The following LAMA2 variants were observed in gnomAD, a reference collection of about 807,000 sequenced individuals.
The protein encoded by LAMA2 is laminin subunit alpha-2.
In LAMA2, 269 loss-of-function variants were observed where a neutral mutation model predicts 364.8. That is an observed-to-expected ratio of 0.74 (90% CI 0.67 to 0.82). The LOEUF is 0.82. LAMA2 is among the 40% of genes least tolerant of loss of function. The probability of loss-of-function intolerance (pLI) is 0.00; values close to 1 mark genes in which losing one functional copy is unlikely to be tolerated. For synonymous variants in LAMA2, 1,379 were observed against 1,370.6 expected (o/e 1.01, Z -0.14); for missense variants, 3,807 against 3,873.2 (o/e 0.98, Z 0.45).
intron 41 of LAMA2, among the ~76,000 whole-genome samples, chr6:129,430,272 T>C (rs1167792560): frequency 1.3e-5 from 2 of 151,902 alleles, no homozygotes; most frequent in Admixed American, 1.3e-4. Flanking sequence ...GTGCCTGGAG[T>C]TAGAAGGAAT....
At chr6:129,452,476 A>T in intron 45 of LAMA2, among the ~76,000 whole-genome samples, 1 of 152,192 alleles carries the variant, frequency 6.6e-6, no homozygotes, top group East Asian at 1.9e-4. Context: ...TCTTATTGTT[A>T]GAACATCTAG....
chr6:128,938,052 G>T (rs1271964414), intron 1 of LAMA2, among the ~76,000 whole-genome samples: 1 of 152,032 alleles, frequency 6.6e-6, no homozygotes, highest in Non-Finnish European at 1.5e-5. Flanking sequence ...TCATTTTGGA[G>T]TGTGTTGCTT....
intron 1 of LAMA2, among the ~76,000 whole-genome samples, chr6:128,944,507 G>A (rs1780371305): frequency 1.3e-5 from 2 of 152,046 alleles, no homozygotes; most frequent in Non-Finnish European, 2.9e-5. Flanking sequence ...AAGAAAAGAT[G>A]ATTAAGGCGG....
At chr6:128,991,493 A>G (rs915788555) in intron 1 of LAMA2, among the ~76,000 whole-genome samples, 3 of 152,224 alleles carry the variant, frequency 2.0e-5, no homozygotes, top group African/African-American at 7.2e-5. Context: ...GGTTTGTAAC[A>G]TTGCATAAAA....
intron 4 of LAMA2, among the ~76,000 whole-genome samples, chr6:129,101,369 T>A (rs953663048): frequency 2.6e-5 from 4 of 152,238 alleles, no homozygotes; most frequent in Non-Finnish European, 5.9e-5. Flanking sequence ...AGGGATATTG[T>A]TATCAGATGT....
chr6:129,034,179 T>C (rs1040678592), intron 1 of LAMA2, among the ~76,000 whole-genome samples: 1 of 152,134 alleles, frequency 6.6e-6, no homozygotes, highest in African/African-American at 2.4e-5. Context: ...AAACTCTAGA[T>C]ATGATGTTTT....
intron 1 of LAMA2, among the ~76,000 whole-genome samples, chr6:128,889,137 G>C (rs537883648): frequency 6.6e-6 from 1 of 152,290 alleles, no homozygotes; most frequent in South Asian, 2.1e-4. Flanking sequence ...TTTTGCTCCA[G>C]TGTAGTTAGA....
Position 129,478,537 on chromosome 6 carries a change from C to T in LAMA2, c.7452-156C>T, listed in dbSNP as rs2784895. On this transcript the variant is annotated intron_variant, in intron 53 of 64. Transcript: ENST00000421865. ...ACATCCATTTAGACCAACCAGTAGA[C>T]AATGGAAACCAGAGTTTGCTGGGTA... 500,664 of 724,936 alleles carry T rather than the reference C, an allele frequency of 0.69. 174,290 individuals are homozygous for T. Among genetic ancestry groups the T allele is most frequent in the Non-Finnish European group, 0.72 (295,148 of 412,462 alleles). The allele number at this position is 724,936 out of a possible 1,614,324, so 44.9% of individuals were successfully genotyped here.
intron 3 of LAMA2, among the ~76,000 whole-genome samples, chr6:129,066,610 G>C (rs928999887): frequency 8.0e-5 from 1 of 12,566 alleles, no homozygotes; most frequent in Non-Finnish European, 2.3e-4. Flanking sequence ...AACCACAAAA[G>C]GTGCTAAAGC....
At chr6:128,979,832 A>G (rs1782756617) in intron 1 of LAMA2, among the ~76,000 whole-genome samples, 1 of 152,218 alleles carries the variant, frequency 6.6e-6, no homozygotes, top group Non-Finnish European at 1.5e-5. Context: ...ATCCAGTGCT[A>G]ATTTCTTTGA....
chr6:129,042,301 T>C (rs547575799), intron 1 of LAMA2, among the ~76,000 whole-genome samples: 102 of 152,220 alleles, frequency 6.7e-4, no homozygotes, highest in African/African-American at 2.4e-3. Context: ...CGAGACTCCA[T>C]GTCAATAATA....
At chr6:129,371,041 T>A (rs1056541544) in intron 34 of LAMA2, among the ~76,000 whole-genome samples, 3 of 152,210 alleles carry the variant, frequency 2.0e-5, no homozygotes, top group African/African-American at 7.2e-5. Flanking sequence ...TATGTAGACA[T>A]TAGATTAAAT....
intron 58 of LAMA2, among the ~76,000 whole-genome samples, chr6:129,492,702 G>C (rs1001173353): frequency 1.2e-4 from 18 of 152,024 alleles, no homozygotes; most frequent in African/African-American, 4.1e-4. Context: ...TGAAATGTTG[G>C]AAAACACAGA....
At chr6:129,409,732 G>A (rs571308572) in intron 40 of LAMA2, among the ~76,000 whole-genome samples, 1 of 152,262 alleles carries the variant, frequency 6.6e-6, no homozygotes, top group East Asian at 1.9e-4. Flanking sequence ...CAGGATCCCT[G>A]TCTGCCATTG....
intron 9 of LAMA2, among the ~76,000 whole-genome samples, chr6:129,175,993 T>G (rs1028287797): frequency 2.6e-5 from 4 of 152,102 alleles, no homozygotes; most frequent in Non-Finnish European, 5.9e-5. Context: ...GTTTATATTT[T>G]CTCTTTTTTA....
intron 3 of LAMA2, among the ~76,000 whole-genome samples, chr6:129,076,099 A>C (rs1048767811): frequency 6.6e-6 from 1 of 152,006 alleles, no homozygotes; most frequent in African/African-American, 2.4e-5. Flanking sequence ...ACAAAACAAA[A>C]AAATTATTCA....
intron 32 of LAMA2, among the ~76,000 whole-genome samples, chr6:129,360,009 G>C (rs929340512): frequency 1.3e-5 from 2 of 152,100 alleles, no homozygotes; most frequent in Non-Finnish European, 2.9e-5. Context: ...AATTTATCCT[G>C]ACACTTTTAT....
At position 129,023,961 on chromosome 6, in the gene LAMA2, G is replaced by A. The variant is rs73773623; in HGVS notation, c.113-25957G>A. On this transcript the variant is annotated intron_variant, in intron 1 of 64. Transcript: ENST00000421865. ...GTTGTTTTGGTTTGGTTTTAGAGACGAGGCAGGTGAATAGGTATAGACTGA... is the reference window on the plus strand; with the variant it reads ...GTTGTTTTGGTTTGGTTTTAGAGACAAGGCAGGTGAATAGGTATAGACTGA... 4.1e-3 allele frequency among the ~76,000 whole-genome samples: 617 copies of A among 152,140 alleles called. 3 individuals are homozygous for A. The highest frequency in any genetic ancestry group is 0.014 in the African/African-American group (584 of 41,510).
intron 48 of LAMA2, among the ~76,000 whole-genome samples, chr6:129,458,968 CAG>C (rs1301382937): frequency 6.6e-6 from 1 of 152,050 alleles, no homozygotes; most frequent in African/African-American, 2.4e-5. Flanking sequence ...CACTTTGGCA[CAG>C]AGTTTTTAAA....
Sources: gnomAD v4.1 joint callset for allele counts (sites outside exome capture counted in the v4.1 genomes callset) on GRCh38, gnomAD v4.1.1 for gene constraint, MANE v1.5 for transcripts, NCBI Gene and HGNC (gene_info 2026-07-23, HGNC 2026-07-21) for gene names.